The following HEG1 variants were observed in gnomAD, a reference collection of about 807,000 sequenced individuals.
The protein encoded by HEG1 is heart development protein with EGF like domains 1, also known as protein HEG homolog 1.
Under a neutral mutation model 125.6 loss-of-function variants are expected in HEG1, and 56 were observed. The observed-to-expected ratio is 0.45, with a 90% CI of 0.36 to 0.56. The LOEUF (loss-of-function observed/expected upper bound fraction) is 0.56, where lower values mean the gene tolerates loss of function less well. HEG1 is among the 20% of genes least tolerant of loss of function. The pLI is 0.00. For synonymous variants in HEG1, 644 were observed against 668.5 expected (o/e 0.96, Z 0.57); for missense variants, 1,523 against 1,670.0 (o/e 0.91, Z 1.53).
intron 1 of HEG1, among the ~76,000 whole-genome samples, chr3:125,049,277 A>T (rs754271217): frequency 5.3e-5 from 8 of 152,058 alleles, no homozygotes; most frequent in South Asian, 2.1e-4. Context: ...ACCTTCACAG[A>T]CCTCCACATA....
chr3:125,046,441 A>G (rs59551729), intron 1 of HEG1, among the ~76,000 whole-genome samples: 1 of 149,952 alleles, frequency 6.7e-6, no homozygotes, highest in Non-Finnish European at 1.5e-5. Flanking sequence ...ACACATATAT[A>G]TTTTTTTAAT....
intron 8 of HEG1, among the ~76,000 whole-genome samples, chr3:125,006,494 G>A (rs1937072587): frequency 6.6e-6 from 1 of 152,194 alleles, no homozygotes; most frequent in Non-Finnish European, 1.5e-5. Context: ...CCGAAAGCCT[G>A]CATGCCGAAT....
intron 15 of HEG1, among the ~76,000 whole-genome samples, chr3:124,975,380 A>G (rs2107686361): frequency 6.6e-6 from 1 of 152,270 alleles, no homozygotes; most frequent in South Asian, 2.1e-4. Flanking sequence ...AGAGAAGGGG[A>G]ATCAATTTCC....
In HEG1 at chr3:125,012,718, A is replaced by G. The variant is rs751534140; in HGVS notation, c.2861T>C (p.Val954Ala). 2 of 1,613,870 alleles carry G rather than the reference A, an allele frequency of 1.2e-6. No individual in the cohort carries two copies. The highest frequency in any genetic ancestry group is 2.7e-5 in the African/African-American group (2 of 74,928). Residue 954 changes from valine to alanine, a missense_variant, in exon 6 of 17, where the codon GTT (valine) becomes GCT (alanine). Transcript: ENST00000311127. ...AGCCAAGTCTTCAGCCGTGGAAACA[A>G]CTGTGGTTTGGGGAGAAGGAGATGT... The part of the protein sequence containing the change: ...LGTSPSPQTT[V>A]VSTAEDLAPK...
intron 5 of HEG1, 135 bp downstream of exon 5, chr3:125,019,127 C>A: frequency 1.4e-6 from 1 of 709,780 alleles, no homozygotes; most frequent in Non-Finnish European, 2.3e-6. Context: ...CTCGGCCTCC[C>A]AAAGTGCTGG....
At chr3:125,051,626 G>A (rs886613376) in intron 1 of HEG1, among the ~76,000 whole-genome samples, 6 of 152,204 alleles carry the variant, frequency 3.9e-5, no homozygotes, top group African/African-American at 1.4e-4. Flanking sequence ...AAAGGCCAGG[G>A]AGTCAAAAGT....
intron 1 of HEG1, among the ~76,000 whole-genome samples, chr3:125,039,449 G>A (rs1195469290): frequency 6.6e-6 from 1 of 152,116 alleles, no homozygotes; most frequent in Non-Finnish European, 1.5e-5. Context: ...TCCTCCTGGA[G>A]GGTCCACCCC....
chr3:125,050,074 T>G (rs1338547434), intron 1 of HEG1, among the ~76,000 whole-genome samples: 1 of 151,550 alleles, frequency 6.6e-6, no homozygotes, highest in African/African-American at 2.4e-5. Flanking sequence ...GTTGATCACC[T>G]CCCTTTTGAA....
intron 1 of HEG1, among the ~76,000 whole-genome samples, chr3:125,047,602 C>T (rs995626524): frequency 6.6e-6 from 1 of 152,218 alleles, no homozygotes; most frequent in African/African-American, 2.4e-5. Flanking sequence ...GAAAAAGTCT[C>T]ACCACATGGC....
chr3:125,032,955 A>C (rs1225703957), intron 1 of HEG1, among the ~76,000 whole-genome samples: 1 of 152,192 alleles, frequency 6.6e-6, no homozygotes, highest in Admixed American at 6.5e-5. Flanking sequence ...ACTCCAGTGC[A>C]GTCTCCGAGG....
chr3:124,996,585 G>A (rs1462747478), intron 12 of HEG1, among the ~76,000 whole-genome samples: 1 of 152,192 alleles, frequency 6.6e-6, no homozygotes, highest in South Asian at 2.1e-4. Context: ...CCCACCTGGA[G>A]AGCTGATGAT....
Position 125,013,927 on chromosome 3 carries a change from T to A in HEG1, c.1652A>T (p.His551Leu). The A allele has an allele frequency of 6.2e-7, 1 of 1,613,392 alleles. No individual in the cohort carries two copies. Among genetic ancestry groups the A allele is most frequent in the Non-Finnish European group, 8.5e-7 (1 of 1,179,710 alleles). Residue 551 changes from histidine (H) to leucine (L), a missense_variant, in exon 6 of 17, where the codon CAC becomes CTC. By Grantham distance (99) the His-to-Leu change is moderately conservative. Transcript: ENST00000311127. ...TAIEQRTSSD[H>L]TDHTYLSSTF... ...AGATGACAGGTAGGTGTGGTCTGTG[T>A]GGTCGCTGGAAGTCCTTTGTTCAAT...
intron 1 of HEG1, among the ~76,000 whole-genome samples, chr3:125,042,756 G>A (rs1937604547): frequency 6.6e-6 from 1 of 152,142 alleles, no homozygotes; most frequent in Non-Finnish European, 1.5e-5. Flanking sequence ...CTTCCACCAA[G>A]GGTCCTCCGG....
intron 1 of HEG1, among the ~76,000 whole-genome samples, chr3:125,033,870 G>A (rs1207673383): frequency 6.6e-6 from 1 of 152,178 alleles, no homozygotes. Flanking sequence ...TGTGAACTGC[G>A]CATGTGCGAA....
intron 4 of HEG1, among the ~76,000 whole-genome samples, chr3:125,019,984 T>G (rs777405381): frequency 9.9e-5 from 15 of 152,240 alleles, no homozygotes; most frequent in Non-Finnish European, 1.8e-4. Flanking sequence ...AGTTCTCATA[T>G]GAATAAAGGT....
chr3:125,012,744 T>A lies in HEG1; in HGVS notation c.2835A>T (p.Gly945=). The part of the protein sequence containing the change: ...AEYSPASRSL[G]TSPSPQTTVV... Reference sequence around the variant, plus strand: ...CTGTGGTTTGGGGAGAAGGAGATGTTCCGAGGGAACGTGAAGCTGGGCTGT... The same window carrying A: ...CTGTGGTTTGGGGAGAAGGAGATGTACCGAGGGAACGTGAAGCTGGGCTGT... Residue 945 remains glycine (G), a synonymous_variant, in exon 6 of 17, where the codon GGA becomes GGT. Coordinates refer to ENST00000311127, the MANE Select transcript of HEG1 (RefSeq NM_020733.2). 3 of 1,614,010 alleles carry A rather than the reference T, an allele frequency of 1.9e-6. No homozygotes were observed. The highest frequency in any genetic ancestry group is 2.5e-6 in the Non-Finnish European group (3 of 1,179,888).
intron 14 of HEG1, among the ~76,000 whole-genome samples, chr3:124,987,515 CT>C (rs905221838): frequency 6.7e-5 from 10 of 148,552 alleles, no homozygotes; most frequent in African/African-American, 1.2e-4. Context: ...CTCTCTGTTT[CT>C]TTTTTTCTTT....
chr3:124,972,149 G>C (rs963751938), intron 16 of HEG1: 8 of 152,126 alleles, frequency 5.3e-5, no homozygotes, highest in African/African-American at 1.9e-4. Context: ...TCTTGACTAC[G>C]TTTATTTAAG....
At position 125,019,335 on chromosome 3, in the gene HEG1, C is replaced by T. The variant is rs199558956; in HGVS notation, c.1515G>A (p.Arg505=). 1.7e-4 allele frequency: 278 copies of T among 1,613,864 alleles called. No homozygotes were observed. Among genetic ancestry groups the T allele is most frequent in the Non-Finnish European group, 2.3e-4 (273 of 1,179,864 alleles). The part of the protein sequence containing the change: ...SGGSHTALGD[R]SYSESSSTSS... Reference sequence around the variant, plus strand: ...ATGTAGATGAAGACTCTGAATAACTCCTATCTCCCAATGCTGTGTGACTTC... The same window carrying T: ...ATGTAGATGAAGACTCTGAATAACTTCTATCTCCCAATGCTGTGTGACTTC... Residue 505 remains arginine (R), a synonymous_variant, in exon 5 of 17, where the codon AGG becomes AGA. Coordinates refer to ENST00000311127, the MANE Select transcript of HEG1 (RefSeq NM_020733.2).
Sources: allele counts gnomAD v4.1 joint callset (sites outside exome capture counted in the v4.1 genomes callset), GRCh38; gene constraint gnomAD v4.1.1; transcripts MANE v1.5; gene names NCBI Gene and HGNC (gene_info 2026-07-23, HGNC 2026-07-21).